The following UBL7 variants were observed in gnomAD, a reference collection of about 807,000 sequenced individuals.
The protein encoded by UBL7 is ubiquitin-like protein 7.
UBL7 carries 21 observed loss-of-function variants against 41.7 expected under a neutral mutation model. The ratio of observed to expected loss-of-function variants is 0.50; its 90% CI spans 0.36 to 0.73. The LOEUF (loss-of-function observed/expected upper bound fraction) is 0.73, where lower values mean the gene tolerates loss of function less well. Ranked by LOEUF, UBL7 falls within the 30% of genes least tolerant of loss-of-function variation. The pLI is 0.00. For missense variants in UBL7, 403 were observed against 478.4 expected, an observed-to-expected ratio of 0.84 and a Z score of 1.47; for synonymous variants, 157 against 186.9, an observed-to-expected ratio of 0.84 and a Z score of 1.31.
intron 3 of UBL7, 34 bp from the exon 4 acceptor site, chr15:74,452,412 C>CA (rs1567089746): frequency 1.3e-6 from 2 of 1,548,114 alleles, no homozygotes; most frequent in South Asian, 2.4e-5. Context: ...TACCCTATAG[C>CA]GCAGGTCCTG....
intron 2 of UBL7, 83 bp downstream of exon 2, chr15:74,458,601 T>C (rs1392332482): frequency 2.4e-6 from 3 of 1,251,694 alleles, no homozygotes; most frequent in Non-Finnish European, 3.4e-6. Context: ...TCCCAAGCCC[T>C]TACTTTACTC....
chr15:74,451,537 G>T lies in UBL7; in HGVS notation c.388-17C>A, dbSNP rs190746482. ...CTTAAAGACCTGCAGGAGAAATGGC[G>T]GGGGCTGAGCACTCCAACCAGCTCA... On this transcript the variant is annotated splice_polypyrimidine_tract_variant and intron_variant, in intron 4 of 10. Coordinates refer to ENST00000395081, the MANE Select transcript of UBL7 (RefSeq NM_032907.5). 1 of 1,610,742 alleles carries T rather than the reference G, an allele frequency of 6.2e-7. No homozygotes were observed. The highest frequency in any genetic ancestry group is 8.5e-7 in the Non-Finnish European group (1 of 1,177,558).
chr15:74,452,269 T>C, intron 4 of UBL7, 27 bp downstream of exon 4: 1 of 1,549,516 alleles, frequency 6.5e-7, no homozygotes, highest in Non-Finnish European at 8.7e-7. Flanking sequence ...CCTACAGTCC[T>C]GGCTGGGGGC....
intron 7 of UBL7, 92 bp from the exon 8 acceptor site, chr15:74,449,767 T>G: frequency 6.4e-7 from 1 of 1,574,032 alleles, no homozygotes; most frequent in South Asian, 1.1e-5. Context: ...CAAATTCATA[T>G]TTTCATCTCT....
chr15:74,447,697 A>G (rs1223779451), intron 10 of UBL7, among the ~76,000 whole-genome samples: 1 of 151,972 alleles, frequency 6.6e-6, no homozygotes, highest in Non-Finnish European at 1.5e-5. Flanking sequence ...ACAGAGTGAC[A>G]CCCTGTCTCA....
At chr15:74,454,070 C>G (rs2061272989) in intron 3 of UBL7, among the ~76,000 whole-genome samples, 1 of 152,128 alleles carries the variant, frequency 6.6e-6, no homozygotes, top group Non-Finnish European at 1.5e-5. Context: ...TCCTCTTGAG[C>G]CAGGAAAACC....
chr15:74,452,328 C>A lies in UBL7; in HGVS notation c.355G>T (p.Ala119Ser). Residue 119 changes from alanine to serine, a missense_variant, in exon 4 of 11, where the codon GCC becomes TCC. Transcript: ENST00000395081. ...AMREFRVLHT[A>S]LHSSSSYREA... ...CTGTAAGAGGAGCTGCTGTGCAGGG[C>A]AGTGTGCAACACCCGGAACTCTCTC... 1 of 1,560,640 alleles carries A rather than the reference C, an allele frequency of 6.4e-7. No individual in the cohort carries two copies. The highest frequency in any genetic ancestry group is 1.4e-5 in the African/African-American group (1 of 73,922).
intron 5 of UBL7, 36 bp from the exon 6 acceptor site, chr15:74,450,895 A>G (rs1277821898): frequency 6.2e-7 from 1 of 1,610,518 alleles, no homozygotes. Context: ...AAGAAAGGAA[A>G]TCAGCCAGAT....
intron 1 of UBL7, among the ~76,000 whole-genome samples, chr15:74,460,242 T>G (rs1053232716): frequency 1.4e-4 from 21 of 151,004 alleles, no homozygotes; most frequent in Non-Finnish European, 3.0e-4. Flanking sequence ...CGTCCCTCCC[T>G]GCCCCACCCC....
intron 6 of UBL7, 71 bp downstream of exon 6, chr15:74,450,731 G>T: frequency 6.5e-7 from 1 of 1,538,442 alleles, no homozygotes; most frequent in Non-Finnish European, 9.0e-7. Flanking sequence ...CAGACTGCAG[G>T]GTGACAATTA....
rs1000045651 is a variant in UBL7 at position 74,452,328 on chromosome 15, C to T, written c.355G>A (p.Ala119Thr). ...AMREFRVLHT[A>T]LHSSSSYREA... ...CTGTAAGAGGAGCTGCTGTGCAGGG[C>T]AGTGTGCAACACCCGGAACTCTCTC... The change falls in exon 4 of 11, where the codon GCC (alanine) becomes ACC (threonine). Residue 119 changes from alanine (A) to threonine (T), a missense_variant. Ala to Thr is a moderately conservative substitution (Grantham distance 58, BLOSUM62 0). Transcript: ENST00000395081. 2 of 1,560,638 alleles carry T rather than the reference C, an allele frequency of 1.3e-6. No homozygotes were observed. The highest frequency in any genetic ancestry group is 2.4e-5 in the South Asian group (2 of 84,812).
chr15:74,449,557 G>C (rs2061221053), intron 8 of UBL7, 69 bp downstream of exon 8: 1 of 1,610,992 alleles, frequency 6.2e-7, no homozygotes, highest in South Asian at 1.1e-5. Context: ...CAGGTCCCAG[G>C]ATGCAGCTCA....
At position 74,446,526 on chromosome 15, in the gene UBL7, A is replaced by G. The variant is rs965364407; in HGVS notation, c.1006-299T>C. Among the ~76,000 whole-genome samples the G allele has an allele frequency of 6.6e-6, 1 of 152,232 alleles. No homozygotes were observed. The highest frequency in any genetic ancestry group is 1.5e-5 in the Non-Finnish European group (1 of 68,046). ...GCTAAATTACTTTCTTTCTCTTGCT[A>G]TGTGTACACACACAACAGCAAGATT... is the stretch of plus-strand genomic sequence containing the variant. On this transcript the variant is annotated intron_variant, in intron 10 of 10. Coordinates refer to ENST00000395081, the MANE Select transcript of UBL7 (RefSeq NM_032907.5). The surrounding 1 kb of genome is among the most constrained non-coding windows in gnomAD (Gnocchi z 4.1).
intron 1 of UBL7, among the ~76,000 whole-genome samples, chr15:74,460,254 G>GC (rs1215708274): frequency 6.7e-6 from 1 of 149,530 alleles, no homozygotes; most frequent in East Asian, 2.0e-4. Flanking sequence ...CCCCACCCCG[G>GC]CCCCCCAGAA....
Position 74,446,324 on chromosome 15 carries a change from A to G in UBL7, c.1006-97T>C, listed in dbSNP as rs1011971686. 2 of 1,502,988 alleles carry G rather than the reference A, an allele frequency of 1.3e-6. No individual in the cohort carries two copies. Among genetic ancestry groups the G allele is most frequent in the Non-Finnish European group, 1.8e-6 (2 of 1,110,078 alleles). 93.1% of individuals were successfully genotyped at this position (1,502,988 alleles called of 1,614,324 possible). A position where few individuals can be genotyped will look rare whatever the true frequency, so the allele number is the denominator to read the frequency against. ...CCGGGGAAGGAAAGGAAGATGGGGG[A>G]GTCCTCAGCAAAGCTGCTGATGCTG... On this transcript the variant is annotated intron_variant, in intron 10 of 10. Transcript: ENST00000395081. This position sits in a 1 kb window ranked among gnomAD's most constrained non-coding sequence, Gnocchi z 4.1.
At position 74,449,687 on chromosome 15, in the gene UBL7, C is replaced by G. The variant is rs776633925; in HGVS notation, c.665-12G>C. On this transcript the variant is annotated splice_polypyrimidine_tract_variant and intron_variant, in intron 7 of 10. Transcript: ENST00000395081. Reference sequence around the variant, plus strand: ...AAACAGGAAGCCACCTGGAGGAGGACGAACAGATTTCAGGAGGAAGAACAG... The same window carrying G: ...AAACAGGAAGCCACCTGGAGGAGGAGGAACAGATTTCAGGAGGAAGAACAG... 6.2e-7 allele frequency: 1 copy of G among 1,614,064 alleles called. No individual in the cohort carries two copies. Among genetic ancestry groups the G allele is most frequent in the Non-Finnish European group, 8.5e-7 (1 of 1,180,008 alleles).
chr15:74,446,327 C>G lies in UBL7; in HGVS notation c.1006-100G>C. The G allele has an allele frequency of 1.3e-6, 2 of 1,491,218 alleles. No homozygotes were observed. The highest frequency in any genetic ancestry group is 1.8e-6 in the Non-Finnish European group (2 of 1,102,372). 92.4% of individuals were successfully genotyped at this position (1,491,218 alleles called of 1,614,324 possible). On this transcript the variant is annotated intron_variant, in intron 10 of 10. Coordinates refer to ENST00000395081, the MANE Select transcript of UBL7 (RefSeq NM_032907.5). This position sits in a 1 kb window ranked among gnomAD's most constrained non-coding sequence, Gnocchi z 4.1. ...GGGAAGGAAAGGAAGATGGGGGAGT[C>G]CTCAGCAAAGCTGCTGATGCTGAGT...
intron 6 of UBL7, 59 bp from the exon 7 acceptor site, chr15:74,450,128 A>G: frequency 6.6e-7 from 1 of 1,523,018 alleles, no homozygotes; most frequent in Non-Finnish European, 8.8e-7. Context: ...CTCAGCCATA[A>G]CAGGAGTTCT....
At chr15:74,458,159 G>A (rs894291062) in intron 2 of UBL7, among the ~76,000 whole-genome samples, 3 of 152,114 alleles carry the variant, frequency 2.0e-5, no homozygotes, top group South Asian at 2.1e-4. Context: ...GGCCAGGAGC[G>A]GTGGCTCATG....
Sources: allele counts gnomAD v4.1 joint callset (sites outside exome capture counted in the v4.1 genomes callset), GRCh38; gene constraint gnomAD v4.1.1; non-coding constraint Gnocchi (gnomAD v3.1); transcripts MANE v1.5; gene names NCBI Gene and HGNC (gene_info 2026-07-23, HGNC 2026-07-21).